MKI67: variants seen among roughly 807,000 people sequenced by gnomAD.
MKI67 encodes the protein proliferation marker protein Ki-67.
Under a neutral mutation model 233.5 loss-of-function variants are expected in MKI67, and 152 were observed. The ratio of observed to expected loss-of-function variants is 0.65; its 90% CI spans 0.57 to 0.74. MKI67 has a LOEUF of 0.74. Among genes scored for constraint, MKI67 ranks in the 30% least tolerant of loss-of-function variants. The pLI, the probability that MKI67 is intolerant of heterozygous loss-of-function variation, is 0.00. For missense variants in MKI67, 3,940 were observed against 3,885.2 expected (o/e 1.01, Z -0.37); for synonymous variants, 1,465 against 1,418.5 (o/e 1.03, Z -0.74).
At position 128,107,646 on chromosome 10, in the gene MKI67, C is replaced by A. The variant is rs866851171; in HGVS notation, c.4194G>T (p.Arg1398Ser). Residue 1398 changes from arginine (R) to serine (S), a missense_variant, in exon 13 of 15, where the codon AGG becomes AGT. Transcript: ENST00000368654. ...RRQPKTPLEK[R>S]DVQKELSALK... The stretch of plus-strand genomic sequence containing the variant: ...GGGCTGAGAGCTCCTTCTGTACGTC[C>A]CTTTTCTCCAAAGGTGTCTTGGGCT... 2.0e-5 allele frequency: 32 copies of A among 1,613,858 alleles called. No individual in the cohort carries two copies. In the African/African-American group the frequency reaches 3.2e-4, roughly 16 times the overall value.
Position 128,107,576 on chromosome 10 carries a change from T to C in MKI67, c.4264A>G (p.Lys1422Glu), listed in dbSNP as rs766946281. ...QTSGETTHTD[K>E]VPGGEDKSIN... is the part of the protein sequence containing the mutation. The stretch of plus-strand genomic sequence containing the variant: ...CTTTTATCCTCACCTCCTGGTACTT[T>C]ATCTGTGTGTGTGGTTTCCCCTGAT... The change falls in exon 13 of 15, where the codon AAA becomes GAA. Residue 1422 changes from lysine to glutamate, a missense_variant. Lys to Glu is a moderately conservative substitution (Grantham distance 56, BLOSUM62 1). Transcript: ENST00000368654. The C allele has an allele frequency of 8.2e-5, 132 of 1,614,038 alleles. 2 individuals carry two copies. In the East Asian group the frequency reaches 2.9e-3, roughly 35 times the overall value.
rs1249432856 is a variant in MKI67 at position 128,113,533 on chromosome 10, A to G, written c.1550T>C (p.Phe517Ser). 1 of 1,614,054 alleles carries G rather than the reference A, an allele frequency of 6.2e-7. No homozygotes were observed. The highest frequency in any genetic ancestry group is 8.5e-7 in the Non-Finnish European group (1 of 1,180,034). ...CGTATTAGGAGGCAAGTTTTCATCA[A>G]ATAGTTCAGGTCTTAGGTGCCCACC... is the stretch of plus-strand genomic sequence containing the variant. ...SFGGHLRPELFDENLPPNTPL... is the reference protein window; with the variant it reads ...SFGGHLRPELSDENLPPNTPL... Residue 517 changes from phenylalanine to serine, a missense_variant, in exon 8 of 15, where the codon TTT (phenylalanine) becomes TCT (serine). Physicochemically the swap from Phe to Ser is radical, Grantham distance 155 (BLOSUM62 -2). Coordinates refer to ENST00000368654, the MANE Select transcript of MKI67 (RefSeq NM_002417.5).
At position 128,110,382 on chromosome 10, in the gene MKI67, A is replaced by G; in HGVS notation, c.2412T>C (p.Ser804=). The part of the protein sequence containing the change: ...GEEPLLPTSE[S]FGGNVFFSAQ... ...TTAGGAAACAAGGAAACCAACCAAA[A>G]CTCTCTGAGGTGGGGAGCAGAGGTT... The change falls in exon 12 of 15, where the codon AGT becomes AGC. Residue 804 remains serine, a synonymous_variant. Transcript: ENST00000368654. 6.4e-7 allele frequency: 1 copy of G among 1,559,732 alleles called. No homozygotes were observed. The highest frequency in any genetic ancestry group is 1.7e-5 in the Admixed American group (1 of 58,520).
At position 128,108,773 on chromosome 10, in the gene MKI67, G is replaced by T. The variant is rs1265879570; in HGVS notation, c.3067C>A (p.Gln1023Lys). The change falls in exon 13 of 15, where the codon CAA becomes AAA. Residue 1023 changes from glutamine to lysine, a missense_variant. Coordinates refer to ENST00000368654, the MANE Select transcript of MKI67 (RefSeq NM_002417.5). ...TTCCCCAGGGATGCCTTCAACTGTTGTTTTGTGTGTGTTGGGGTGTTTATT... is the reference window on the plus strand; with the variant it reads ...TTCCCCAGGGATGCCTTCAACTGTTTTTTTGTGTGTGTTGGGGTGTTTATT... The part of the protein sequence containing the change: ...EPINTPTHTK[Q>K]QLKASLGKVG... 6.2e-7 allele frequency: 1 copy of T among 1,614,196 alleles called. No individual in the cohort carries two copies. The highest frequency in any genetic ancestry group is 1.7e-5 in the Admixed American group (1 of 60,030).
In MKI67 at chr10:128,108,639, C is replaced by G. The variant is rs3740424; in HGVS notation, c.3201G>C (p.Thr1067=). 6.2e-7 allele frequency: 1 copy of G among 1,614,096 alleles called. No homozygotes were observed. Among genetic ancestry groups the G allele is most frequent in the East Asian group, 2.2e-5 (1 of 44,854 alleles). ...GGATCTGCTTTGGAGACTCCTTAAA[C>G]GTTCTGATGCTCTTGCCATCTCCTG... ...EPAGDGKSIR[T]FKESPKQILD... is the part of the protein sequence containing the mutation. The change falls in exon 13 of 15, where the codon ACG becomes ACC. Residue 1067 remains threonine (T), a synonymous_variant. Transcript: ENST00000368654.
rs1286672296 is a variant in MKI67, at chr10:128,105,568, T to C, written c.6272A>G (p.Glu2091Gly). ...ELFQTPDHTEESTTDDKTTKI... is the reference protein window; with the variant it reads ...ELFQTPDHTEGSTTDDKTTKI... ...GGTAGTTTTGTCATCAGTTGTTGAT[T>C]CCTCAGTGTGGTCTGGTGTCTGGAA... The change falls in exon 13 of 15, where the codon GAA (glutamate) becomes GGA (glycine). Residue 2091 changes from glutamate (E) to glycine (G), a missense_variant. By Grantham distance (98) the Glu-to-Gly change is moderately conservative. Transcript: ENST00000368654. 1.2e-6 allele frequency: 2 copies of C among 1,613,914 alleles called. No homozygotes were observed. Among genetic ancestry groups the C allele is most frequent in the African/African-American group, 2.7e-5 (2 of 74,850 alleles).
rs1852238794 is a variant in MKI67, at chr10:128,097,601, T to C, written c.*1589A>G. 1 of 152,150 alleles carries C rather than the reference T, an allele frequency of 6.6e-6. No individual in the cohort carries two copies. The highest frequency in any genetic ancestry group is 1.5e-5 in the Non-Finnish European group (1 of 68,020). 9.4% of individuals were successfully genotyped at this position (152,150 alleles called of 1,614,324 possible). A position where few individuals can be genotyped will look rare whatever the true frequency, so the allele number is the denominator to read the frequency against. On this transcript the variant is annotated 3_prime_UTR_variant, in exon 15 of 15. Transcript: ENST00000368654. The stretch of plus-strand genomic sequence containing the variant: ...CTAAAGTGTTAGAACAACTTGATCA[T>C]AGCAACATTCCTACTGAAAGTTTTG...
Position 128,099,248 on chromosome 10 carries a change from T to C in MKI67, c.9713A>G (p.Asp3238Gly). 1 of 1,612,586 alleles carries C rather than the reference T, an allele frequency of 6.2e-7. No homozygotes were observed. ...TCTTATTTTCTTGACACACACATTG[T>C]CCTCAGCCTGTGTGGGAAGAAAAAA... ...RCAENPKKAE[D>G]NVCVKKIRTR... The change falls in exon 15 of 15, where the codon GAC (aspartate) becomes GGC (glycine). Residue 3238 changes from aspartate to glycine, a missense_variant. Coordinates refer to ENST00000368654, the MANE Select transcript of MKI67 (RefSeq NM_002417.5).
chr10:128,109,203 T>A lies in MKI67; in HGVS notation c.2637A>T (p.Thr879=). The change falls in exon 13 of 15, where the codon ACA becomes ACT. Residue 879 remains threonine (T), a synonymous_variant. Transcript: ENST00000368654. ...GTAGCTTCTGTATATTCCTGAACTC[T>A]GTAGACCTTCCTGACCTGTTTGCAG... The part of the protein sequence containing the change: ...VSTANRSGRS[T]EFRNIQKLPV... 6.2e-7 allele frequency: 1 copy of A among 1,614,220 alleles called. No individual in the cohort carries two copies. Among genetic ancestry groups the A allele is most frequent in the Non-Finnish European group, 8.5e-7 (1 of 1,180,038 alleles).
intron 4 of MKI67, among the ~76,000 whole-genome samples, chr10:128,120,777 G>A (rs1239625150): frequency 6.6e-6 from 1 of 151,990 alleles, no homozygotes; most frequent in East Asian, 1.9e-4. Context: ...TAAAATAAAA[G>A]CATGGGAAAA....
rs1852394249 is a variant in MKI67 at position 128,103,493 on chromosome 10, T to C, written c.8347A>G (p.Ser2783Gly). 6.2e-7 allele frequency: 1 copy of C among 1,613,986 alleles called. No homozygotes were observed. The highest frequency in any genetic ancestry group is 8.5e-7 in the Non-Finnish European group (1 of 1,179,878). ...CTGGGTGCTCTTGGCCGTCTCCTGC[T>C]GCCAGTTACACTTGCTGCTGGAGCC... is the stretch of plus-strand genomic sequence containing the variant. ...TPAPAASVTG[S>G]RRRPRAPRES... The change falls in exon 13 of 15, where the codon AGC (serine) becomes GGC (glycine). Residue 2783 changes from serine to glycine, a missense_variant. Ser to Gly is a moderately conservative substitution (Grantham distance 56, BLOSUM62 0). Transcript: ENST00000368654.
In MKI67 at chr10:128,115,863, A is replaced by G. The variant is rs1852793302; in HGVS notation, c.545T>C (p.Val182Ala). The change falls in exon 7 of 15, where the codon GTT (valine) becomes GCT (alanine). Residue 182 changes from valine to alanine, a missense_variant. Coordinates refer to ENST00000368654, the MANE Select transcript of MKI67 (RefSeq NM_002417.5). The stretch of plus-strand genomic sequence containing the variant: ...ACGTCCAGCATGTTCTGAGGAATGA[A>G]CATTAGTTGTTCCCTGAGCAACACT... ...KDSVAQGTTN[V>A]HSSEHAGRNG... 1 of 1,608,686 alleles carries G rather than the reference A, an allele frequency of 6.2e-7. No individual in the cohort carries two copies. The highest frequency in any genetic ancestry group is 1.1e-5 in the South Asian group (1 of 91,090).
rs185850118 is a variant in MKI67, at chr10:128,123,833, T to C, written c.93-664A>G. 3.5e-4 allele frequency among the ~76,000 whole-genome samples: 54 copies of C among 152,304 alleles called. No individual in the cohort carries two copies. In the East Asian group the frequency reaches 9.8e-3, roughly 28 times the overall value. On this transcript the variant is annotated intron_variant, in intron 2 of 14. Transcript: ENST00000368654. ...AAAAAAAAAATCTAAATTCAACTTG[T>C]TTTTCCACAGAAAGCTAACACCATG...
At chr10:128,120,482 ACT>A (rs1458478732) in intron 4 of MKI67, among the ~76,000 whole-genome samples, 1 of 152,076 alleles carries the variant, frequency 6.6e-6, no homozygotes, top group Non-Finnish European at 1.5e-5. Flanking sequence ...ACAGAGCAAG[ACT>A]CTGTCTCAAA....
chr10:128,107,330 G>A lies in MKI67; in HGVS notation c.4510C>T (p.Pro1504Ser), dbSNP rs940194963. Reference sequence around the variant, plus strand: ...TTGGACTGTGGCTTGGAGCTTGTTGGTGTGTCCACTGGGTCTGGTTGTGAT... The same window carrying A: ...TTGGACTGTGGCTTGGAGCTTGTTGATGTGTCCACTGGGTCTGGTTGTGAT... Reference protein sequence around the residue: ...CRSQPDPVDTPTSSKPQSKRS... With the variant: ...CRSQPDPVDTSTSSKPQSKRS... The change falls in exon 13 of 15, where the codon CCA becomes TCA. Residue 1504 changes from proline (P) to serine (S), a missense_variant. Transcript: ENST00000368654. The A allele has an allele frequency of 1.2e-6, 2 of 1,613,964 alleles. No homozygotes were observed. Among genetic ancestry groups the A allele is most frequent in the Non-Finnish European group, 1.7e-6 (2 of 1,180,024 alleles).
At chr10:128,126,069 C>T (rs1014356310) in intron 1 of MKI67, 30 bp downstream of exon 1, 12 of 238,932 alleles carry the variant, frequency 5.0e-5, no homozygotes, top group Non-Finnish European at 9.9e-5. Flanking sequence ...CGACCCCGGA[C>T]AGCTCCCAGG....
In MKI67 at chr10:128,103,787, G is replaced by A. The variant is rs750328579; in HGVS notation, c.8053C>T (p.Leu2685Phe). ...TGAGTGTGACCTGATGTTTCAGAGA[G>A]CTCTGTGAAGCCGGCCAGGTCTTCC... ...PLEDLAGFTE[L>F]SETSGHTQES... is the part of the protein sequence containing the mutation. Residue 2685 changes from leucine (L) to phenylalanine (F), a missense_variant, in exon 13 of 15, where the codon CTC (leucine) becomes TTC (phenylalanine). Leu to Phe is a conservative substitution (Grantham distance 22). Coordinates refer to ENST00000368654, the MANE Select transcript of MKI67 (RefSeq NM_002417.5). 2 of 1,613,980 alleles carry A rather than the reference G, an allele frequency of 1.2e-6. No homozygotes were observed. The highest frequency in any genetic ancestry group is 4.5e-5 in the East Asian group (2 of 44,840).
Position 128,103,363 on chromosome 10 carries a change from T to A in MKI67, c.8477A>T (p.Lys2826Ile), listed in dbSNP as rs749098060. 1.1e-5 allele frequency: 17 copies of A among 1,614,104 alleles called. No homozygotes were observed. Among genetic ancestry groups the A allele is most frequent in the Non-Finnish European group, 1.4e-5 (17 of 1,180,020 alleles). ...TDDKTTKIPC[K>I]SSPELEDTAT... ...GGTGTCTTCTAGTTCTGGTGATGAT[T>A]TGCAGGGTATTTTAGTGGTTTTGTC... The change falls in exon 13 of 15, where the codon AAA becomes ATA. Residue 2826 changes from lysine to isoleucine, a missense_variant. Physicochemically the swap from Lys to Ile is moderately radical, Grantham distance 102 (BLOSUM62 -3). Coordinates refer to ENST00000368654, the MANE Select transcript of MKI67 (RefSeq NM_002417.5).
intron 7 of MKI67, among the ~76,000 whole-genome samples, chr10:128,114,170 C>T (rs535163557): frequency 2.0e-5 from 3 of 152,178 alleles, no homozygotes; most frequent in East Asian, 3.8e-4. Flanking sequence ...CATGCCCCAC[C>T]GCTATAGGCC....
Sources: gnomAD v4.1 joint callset for allele counts (sites outside exome capture counted in the v4.1 genomes callset) on GRCh38, gnomAD v4.1.1 for gene constraint, MANE v1.5 for transcripts, NCBI Gene and HGNC (gene_info 2026-07-23, HGNC 2026-07-21) for gene names.